CREB5: variants seen among roughly 807,000 people sequenced by gnomAD.
CREB5 encodes cAMP responsive element binding protein 5, also known as cyclic AMP-responsive element-binding protein 5.
Under a neutral mutation model 57.1 loss-of-function variants are expected in CREB5, and 19 were observed. The observed-to-expected ratio is 0.33, with a 90% CI of 0.23 to 0.49. The LOEUF (loss-of-function observed/expected upper bound fraction) is 0.49, where lower values mean the gene tolerates loss of function less well. Among genes scored for constraint, CREB5 ranks in the 20% least tolerant of loss-of-function variants. CREB5 has a pLI of 0.99. For synonymous variants in CREB5, 238 were observed against 238.3 expected (o/e 1.00, Z 0.01); for missense variants, 579 against 671.6 (o/e 0.86, Z 1.52).
chr7:28,401,328 A>G (rs571108092), intron 1 of CREB5, among the ~76,000 whole-genome samples: 1 of 152,180 alleles, frequency 6.6e-6, no homozygotes, highest in East Asian at 1.9e-4. Context: ...TTAGCAGCCA[A>G]TGGTCTTCCA....
intron 4 of CREB5, among the ~76,000 whole-genome samples, chr7:28,524,770 T>C (rs985180087): frequency 5.3e-5 from 8 of 152,212 alleles, no homozygotes; most frequent in African/African-American, 1.9e-4. Flanking sequence ...ATGCATAGAA[T>C]ATGTAGTGAT....
At chr7:28,583,708 C>T (rs545806424) in intron 5 of CREB5, among the ~76,000 whole-genome samples, 10 of 151,874 alleles carry the variant, frequency 6.6e-5, no homozygotes, top group African/African-American at 1.5e-4. Context: ...GATGGAGTTT[C>T]GCTCTTGTTG....
intron 1 of CREB5, among the ~76,000 whole-genome samples, chr7:28,313,171 C>G (rs2127982085): frequency 6.6e-6 from 1 of 152,274 alleles, no homozygotes; most frequent in Middle Eastern, 3.4e-3. Flanking sequence ...ATTGATACTG[C>G]TCGTCTGGGC....
intron 5 of CREB5, among the ~76,000 whole-genome samples, chr7:28,578,353 A>T (rs948091639): frequency 3.3e-5 from 5 of 152,234 alleles, no homozygotes; most frequent in Admixed American, 1.3e-4. Flanking sequence ...GTTTAGAGAG[A>T]GTCCCATGAC....
chr7:28,704,590 C>CCT (rs1802017277), intron 5 of CREB5, among the ~76,000 whole-genome samples: 1 of 151,934 alleles, frequency 6.6e-6, no homozygotes, highest in Admixed American at 6.6e-5. Context: ...TCCCAAGTAG[C>CCT]TAGTACTACA....
upstream of CREB5, chr7:28,409,863 A>T (rs750469664): frequency 2.0e-5 from 9 of 453,684 alleles, no homozygotes; most frequent in Non-Finnish European, 3.1e-5. This position sits in a 1 kb window ranked among gnomAD's most constrained non-coding sequence, Gnocchi z 4.4. Context: ...CGCGGGGACC[A>T]GTTATGAATC....
At chr7:28,350,400 C>A (rs529105559) in intron 1 of CREB5, among the ~76,000 whole-genome samples, 2 of 152,200 alleles carry the variant, frequency 1.3e-5, no homozygotes, top group South Asian at 4.1e-4. Flanking sequence ...TGTGGGAAAG[C>A]CCTCTTTCTC....
chr7:28,630,491 T>G (rs1349153021), intron 5 of CREB5, among the ~76,000 whole-genome samples: 13 of 152,156 alleles, frequency 8.5e-5, no homozygotes, highest in Admixed American at 8.5e-4. Context: ...TGAGACCGAG[T>G]GCTGAAAAAA....
At chr7:28,747,381 C>T (rs1418863069) in intron 7 of CREB5, among the ~76,000 whole-genome samples, 2 of 152,174 alleles carry the variant, frequency 1.3e-5, no homozygotes, top group East Asian at 1.9e-4. Context: ...CAAAATGAGT[C>T]CCATAATGAG....
rs113647587 is a variant in CREB5 at position 28,825,808 on chromosome 7, T to C, written c.*6529T>C. The C allele has an allele frequency of 6.6e-6, 1 of 152,670 alleles. No individual in the cohort carries two copies. Among genetic ancestry groups the C allele is most frequent in the Non-Finnish European group, 1.5e-5 (1 of 68,036 alleles). 9.5% of individuals were successfully genotyped at this position (152,670 alleles called of 1,614,324 possible). On this transcript the variant is annotated 3_prime_UTR_variant, in exon 11 of 11. Transcript: ENST00000357727. ...TAGGTCAGATTTTTACATCTCTTTC[T>C]AGCAAGAAGAGACAAGATTTTGTGC...
At chr7:28,464,710 T>TC (rs1554327269) in intron 1 of CREB5, among the ~76,000 whole-genome samples, 1 of 146,236 alleles carries the variant, frequency 6.8e-6, no homozygotes, top group East Asian at 2.0e-4. Context: ...AAGTTATTTT[T>TC]AAAAAAAAAA....
At chr7:28,481,597 C>G (rs1791336087) in intron 1 of CREB5, among the ~76,000 whole-genome samples, 1 of 152,096 alleles carries the variant, frequency 6.6e-6, no homozygotes, top group Admixed American at 6.5e-5. Context: ...ACTTTTAAAG[C>G]AGGGTTAAAA....
chr7:28,697,216 C>T (rs1027873415), intron 5 of CREB5, among the ~76,000 whole-genome samples: 6 of 152,044 alleles, frequency 3.9e-5, no homozygotes, highest in Non-Finnish European at 4.4e-5. Context: ...TCACCAATTT[C>T]TCATGAATTG....
intron 5 of CREB5, among the ~76,000 whole-genome samples, chr7:28,707,759 A>G (rs967470863): frequency 8.5e-5 from 13 of 152,206 alleles, no homozygotes; most frequent in Non-Finnish European, 1.3e-4. Context: ...TTTCTAAGTT[A>G]AATCCACATG....
At chr7:28,414,997 C>A (rs1314720330) in intron 1 of CREB5, among the ~76,000 whole-genome samples, 1 of 151,470 alleles carries the variant, frequency 6.6e-6, no homozygotes, top group Non-Finnish European at 1.5e-5. Context: ...GTATTGCCTT[C>A]CCCCTCACCC....
intron 7 of CREB5, among the ~76,000 whole-genome samples, chr7:28,759,469 T>C (rs1215245304): frequency 1.3e-5 from 2 of 152,216 alleles, no homozygotes; most frequent in Admixed American, 6.5e-5. Flanking sequence ...TGCAGTGTTC[T>C]TTGTGGGTTT....
At chr7:28,633,760 T>G (rs1412712839) in intron 5 of CREB5, among the ~76,000 whole-genome samples, 2 of 152,176 alleles carry the variant, frequency 1.3e-5, no homozygotes, top group Non-Finnish European at 2.9e-5. Flanking sequence ...CAAGAGCATC[T>G]CCAAAGACAT....
intron 5 of CREB5, among the ~76,000 whole-genome samples, chr7:28,611,424 GGAGGATCACTT>G (rs1259192425): frequency 6.8e-6 from 1 of 148,012 alleles, no homozygotes; most frequent in African/African-American, 2.5e-5. Flanking sequence ...GGCCAAGGCA[GGAGGATCACTT>G]GAGGCCAGGA....
chr7:28,337,865 C>T lies in CREB5; in HGVS notation c.-25+38424C>T, dbSNP rs529193526. ...TCTTGCTTTTTATGTTTTGTGTATT[C>T]GTTGTATGTTTTTTGATTTGAGGTT... On this transcript the variant is annotated intron_variant, in intron 1 of 9. Transcript: ENST00000396299. Among the ~76,000 whole-genome samples the T allele has an allele frequency of 4.0e-5, 6 of 151,796 alleles. No homozygotes were observed. The South Asian group carries it at 8.3e-4, about 21-fold the overall frequency.
Sources: allele counts gnomAD v4.1 joint callset (sites outside exome capture counted in the v4.1 genomes callset), GRCh38; gene constraint gnomAD v4.1.1; non-coding constraint Gnocchi (gnomAD v3.1); transcripts MANE v1.5; gene names NCBI Gene and HGNC (gene_info 2026-07-23, HGNC 2026-07-21).